Variants in MAD1L1 observed in about 807,000 individuals in gnomAD.
MAD1L1 encodes mitotic spindle assembly checkpoint protein MAD1.
A neutral mutation model predicts 96.9 loss-of-function variants in MAD1L1; 95 were observed. The observed-to-expected ratio is 0.98, with a 90% CI of 0.83 to 1.16. The LOEUF is 1.16. Among genes scored for constraint, MAD1L1 ranks in the 50% most tolerant of loss-of-function variants. The pLI, the probability that MAD1L1 is intolerant of heterozygous loss-of-function variation, is 0.00. For missense variants in MAD1L1, 1,007 were observed against 954.4 expected, an observed-to-expected ratio of 1.06 and a Z score of -0.73; for synonymous variants, 473 against 396.6, an observed-to-expected ratio of 1.19 and a Z score of -2.29.
chr7:2,152,507 C>G (rs1789630091), intron 10 of MAD1L1, among the ~76,000 whole-genome samples: 1 of 152,238 alleles, frequency 6.6e-6, no homozygotes, highest in South Asian at 2.1e-4. Flanking sequence ...AGCTTCCACT[C>G]AAAAGCACAA....
chr7:2,136,659 C>T (rs916282642), intron 11 of MAD1L1, among the ~76,000 whole-genome samples: 2 of 152,238 alleles, frequency 1.3e-5, no homozygotes, highest in Non-Finnish European at 2.9e-5. Flanking sequence ...CAGCTGCATT[C>T]CTCGGTGGGG....
chr7:2,048,095 G>A (rs1001726595), intron 12 of MAD1L1, among the ~76,000 whole-genome samples: 1 of 152,176 alleles, frequency 6.6e-6, no homozygotes, highest in Non-Finnish European at 1.5e-5. Flanking sequence ...CAGAGCTCAT[G>A]CAGCACAGAC....
intron 18 of MAD1L1, among the ~76,000 whole-genome samples, chr7:1,882,126 C>T (rs992382793): frequency 3.3e-5 from 5 of 152,138 alleles, no homozygotes; most frequent in East Asian, 1.9e-4. Flanking sequence ...GGCCAGGGCA[C>T]GAGATGAGGA....
intron 17 of MAD1L1, among the ~76,000 whole-genome samples, chr7:1,933,304 T>A (rs1248219216): frequency 6.6e-6 from 1 of 152,340 alleles, no homozygotes; most frequent in Admixed American, 6.5e-5. Flanking sequence ...GCTGTCGAGC[T>A]GGGGAACTGC....
intron 13 of MAD1L1, among the ~76,000 whole-genome samples, chr7:2,007,073 C>T (rs906737908): frequency 6.6e-6 from 1 of 152,064 alleles, no homozygotes; most frequent in Non-Finnish European, 1.5e-5. Context: ...GGAATGGGAA[C>T]TCCAGGAGGC....
chr7:2,025,876 A>C (rs918868962), intron 12 of MAD1L1, among the ~76,000 whole-genome samples: 1 of 152,214 alleles, frequency 6.6e-6, no homozygotes, highest in East Asian at 1.9e-4. Context: ...AAAAGCACAC[A>C]TAACAAGATA....
At chr7:2,081,129 G>A (rs1165715260) in intron 11 of MAD1L1, among the ~76,000 whole-genome samples, 2 of 151,978 alleles carry the variant, frequency 1.3e-5, no homozygotes, top group Non-Finnish European at 2.9e-5. Context: ...TGGGGATGAC[G>A]CAGGGTGGGA....
intron 10 of MAD1L1, among the ~76,000 whole-genome samples, chr7:2,153,880 G>C (rs556952466): frequency 1.3e-5 from 2 of 152,240 alleles, no homozygotes; most frequent in Admixed American, 1.3e-4. Context: ...GAGCTGGGCC[G>C]AGCGCGGTGG....
chr7:2,168,123 A>G lies in MAD1L1; in HGVS notation c.987-18885T>C, dbSNP rs549822160. On this transcript the variant is annotated intron_variant, in intron 10 of 18. Transcript: ENST00000265854. Reference sequence around the variant, plus strand: ...AACATGGCGAAACCCCATCTCTACTAAAAATACAAAAATTAGCCAGGCGTG... The same window carrying G: ...AACATGGCGAAACCCCATCTCTACTGAAAATACAAAAATTAGCCAGGCGTG... Among the ~76,000 whole-genome samples the G allele has an allele frequency of 4.5e-3, 681 of 152,230 alleles. 7 individuals carry two copies. Among genetic ancestry groups the G allele is most frequent in the African/African-American group, 0.015 (643 of 41,528 alleles).
intron 17 of MAD1L1, among the ~76,000 whole-genome samples, chr7:1,919,934 G>A (rs1788670156): frequency 6.6e-6 from 1 of 152,160 alleles, no homozygotes; most frequent in Non-Finnish European, 1.5e-5. Context: ...GCAGGGCGGA[G>A]TCAGCCTTAC....
intron 18 of MAD1L1, chr7:1,838,541 C>T (rs1583510072): frequency 2.9e-6 from 1 of 340,500 alleles, no homozygotes; most frequent in South Asian, 2.5e-5. Flanking sequence ...GTGAGCGAAC[C>T]GTGAAAACCT....
intron 10 of MAD1L1, among the ~76,000 whole-genome samples, chr7:2,163,646 T>C (rs1270735445): frequency 1.3e-5 from 2 of 152,188 alleles, no homozygotes; most frequent in African/African-American, 4.8e-5. Flanking sequence ...GTGCTGAGAT[T>C]ACAGGCGTGA....
At chr7:2,097,826 C>T (rs1786571678) in intron 11 of MAD1L1, among the ~76,000 whole-genome samples, 1 of 152,218 alleles carries the variant, frequency 6.6e-6, no homozygotes, top group African/African-American at 2.4e-5. Context: ...GGGAGCAGCG[C>T]CTGCATCGAG....
intron 18 of MAD1L1, among the ~76,000 whole-genome samples, chr7:1,831,423 AT>A: frequency 6.6e-6 from 1 of 152,028 alleles, no homozygotes. Context: ...AGGCCTCCCC[AT>A]TTCCTGAGAC....
intron 12 of MAD1L1, among the ~76,000 whole-genome samples, chr7:2,029,944 G>C (rs903564282): frequency 5.3e-5 from 8 of 152,186 alleles, no homozygotes; most frequent in Admixed American, 2.0e-4. Flanking sequence ...ACAGAAACAA[G>C]ATCATCCCTA....
intron 11 of MAD1L1, among the ~76,000 whole-genome samples, chr7:2,117,728 T>C (rs1206632813): frequency 6.6e-6 from 1 of 152,170 alleles, no homozygotes; most frequent in Non-Finnish European, 1.5e-5. Flanking sequence ...ATTAAACCTT[T>C]TTCCTTTATA....
intron 12 of MAD1L1, among the ~76,000 whole-genome samples, chr7:2,023,063 A>G (rs1193212417): frequency 2.0e-5 from 3 of 152,214 alleles, no homozygotes; most frequent in Non-Finnish European, 4.4e-5. Flanking sequence ...AACTACAAGG[A>G]GAAATGGCTC....
At chr7:1,916,877 G>A (rs912538716) in intron 17 of MAD1L1, among the ~76,000 whole-genome samples, 6 of 152,030 alleles carry the variant, frequency 3.9e-5, no homozygotes, top group Non-Finnish European at 7.4e-5. Context: ...CCGAGCCAGC[G>A]AGAAGCGAGA....
At chr7:1,900,574 C>G (rs865973328) in intron 17 of MAD1L1, among the ~76,000 whole-genome samples, 2 of 152,160 alleles carry the variant, frequency 1.3e-5, no homozygotes, top group South Asian at 4.1e-4. Context: ...CAGCTCTGAC[C>G]CCAAGACTCT....
Sources: gnomAD v4.1 joint callset for allele counts (sites outside exome capture counted in the v4.1 genomes callset) on GRCh38, gnomAD v4.1.1 for gene constraint, MANE v1.5 for transcripts, NCBI Gene and HGNC (gene_info 2026-07-23, HGNC 2026-07-21) for gene names.